SLC8A1: variants seen among roughly 807,000 people sequenced by gnomAD.
SLC8A1 encodes solute carrier family 8 member A1, also known as sodium/calcium exchanger 1.
SLC8A1 carries 18 observed loss-of-function variants against 68.3 expected under a neutral mutation model. The observed-to-expected ratio is 0.26, with a 90% CI of 0.18 to 0.39. The LOEUF (loss-of-function observed/expected upper bound fraction) is 0.39, where lower values mean the gene tolerates loss of function less well. Ranked by LOEUF, SLC8A1 falls within the 10% of genes least tolerant of loss-of-function variation. SLC8A1 has a pLI of 1.00. For synonymous variants in SLC8A1, 475 were observed against 415.5 expected (o/e 1.14, Z -1.74); for missense variants, 985 against 1,156.7 (o/e 0.85, Z 2.15).
intron 2 of SLC8A1, among the ~76,000 whole-genome samples, chr2:40,369,060 T>C (rs1180251960): frequency 6.6e-6 from 1 of 152,004 alleles, no homozygotes; most frequent in Non-Finnish European, 1.5e-5. Flanking sequence ...AAGACTTAAA[T>C]GTAAAACCCC....
At chr2:40,371,514 G>A (rs1268991362) in intron 2 of SLC8A1, among the ~76,000 whole-genome samples, 4 of 152,072 alleles carry the variant, frequency 2.6e-5, no homozygotes, top group Admixed American at 2.6e-4. Flanking sequence ...TTAAAACACA[G>A]AAGATGTTAG....
At chr2:40,115,002 G>A (rs1266789687) in exon 8 of SLC8A1, 2 of 243,802 alleles carry the variant, frequency 8.2e-6, no homozygotes, top group Non-Finnish European at 1.5e-5. Flanking sequence ...TTATCAACCT[G>A]GAGAGAGTGC....
At chr2:40,257,302 C>T (rs1194105768) in intron 2 of SLC8A1, among the ~76,000 whole-genome samples, 3 of 152,114 alleles carry the variant, frequency 2.0e-5, no homozygotes, top group Non-Finnish European at 4.4e-5. Context: ...TCCCATGTCC[C>T]ATTCACTTGC....
At position 40,178,502 on chromosome 2, in the gene SLC8A1, G is replaced by C. The variant is rs766960718; in HGVS notation, c.1809-647C>G. The C allele has an allele frequency of 6.2e-7, 1 of 1,602,424 alleles. No individual in the cohort carries two copies. Among genetic ancestry groups the C allele is most frequent in the South Asian group, 1.1e-5 (1 of 90,680 alleles). Reference sequence around the variant, plus strand: ...TGACTGATATTGTTTTGCTGAAACAGAGAATAGAAATTGACGAACAAGGGG... The same window carrying C: ...TGACTGATATTGTTTTGCTGAAACACAGAATAGAAATTGACGAACAAGGGG... On this transcript the variant is annotated intron_variant, in intron 2 of 7. Transcript: ENST00000406785.
chr2:40,323,034 GAT>G (rs1288851056), intron 2 of SLC8A1, among the ~76,000 whole-genome samples: 3 of 152,022 alleles, frequency 2.0e-5, no homozygotes, highest in Non-Finnish European at 4.4e-5. Context: ...AAAATTGAAG[GAT>G]TATATAACAC....
At chr2:40,164,864 T>C (rs763536409) in exon 5 of SLC8A1, 2 of 1,613,710 alleles carry the variant, frequency 1.2e-6, no homozygotes, top group Non-Finnish European at 1.7e-6. Context: ...CTTGAATTCA[T>C]AGGATTCTTC....
At chr2:40,493,650 ATT>A (rs70957182) in intron 1 of SLC8A1, among the ~76,000 whole-genome samples, 108,133 of 134,398 alleles carry the variant, frequency 0.8, 44,926 homozygotes, top group Non-Finnish European at 0.92. Flanking sequence ...TTTCCTCAGT[ATT>A]TTTTTTTTTT....
At chr2:40,114,738 C>T (rs1317000609) in exon 8 of SLC8A1, 1 of 152,192 alleles carries the variant, frequency 6.6e-6, no homozygotes, top group Non-Finnish European at 1.5e-5. Flanking sequence ...TTCTTCCATG[C>T]CCAGATTTTT....
At chr2:40,126,426 T>G (rs1238216694) in intron 7 of SLC8A1, among the ~76,000 whole-genome samples, 1 of 152,152 alleles carries the variant, frequency 6.6e-6, no homozygotes, top group Admixed American at 6.5e-5. Context: ...CCAGAATATT[T>G]AGAATGGAGG....
intron 2 of SLC8A1, among the ~76,000 whole-genome samples, chr2:40,420,212 G>T (rs897127177): frequency 5.9e-5 from 9 of 152,042 alleles, no homozygotes; most frequent in Non-Finnish European, 7.4e-5. Flanking sequence ...CTTATTCTAG[G>T]AAAGTCTCCT....
chr2:40,396,282 A>C (rs1241057384), intron 2 of SLC8A1, among the ~76,000 whole-genome samples: 1 of 152,134 alleles, frequency 6.6e-6, no homozygotes, highest in Non-Finnish European at 1.5e-5. Context: ...GTGTTTGTTA[A>C]TTAGGCAGTA....
intron 7 of SLC8A1, among the ~76,000 whole-genome samples, chr2:40,123,455 G>T (rs1301346491): frequency 6.6e-6 from 1 of 152,108 alleles, no homozygotes; most frequent in Non-Finnish European, 1.5e-5. Flanking sequence ...ATTACACTCT[G>T]CCACTCACAT....
At chr2:40,289,028 A>T (rs534263191) in intron 2 of SLC8A1, among the ~76,000 whole-genome samples, 143 of 151,906 alleles carry the variant, frequency 9.4e-4, no homozygotes, top group African/African-American at 3.3e-3. Flanking sequence ...TGACTGGACA[A>T]TATTATCCTA....
chr2:40,480,757 C>G (rs1704576533), intron 1 of SLC8A1, among the ~76,000 whole-genome samples: 1 of 152,126 alleles, frequency 6.6e-6, no homozygotes, highest in African/African-American at 2.4e-5. Context: ...TCCTCCCAGT[C>G]CACATATTGT....
chr2:40,327,313 T>C lies in SLC8A1; in HGVS notation c.1808+101160A>G, dbSNP rs533621926. 2.6e-5 allele frequency among the ~76,000 whole-genome samples: 4 copies of C among 152,338 alleles called. No individual in the cohort carries two copies. In the South Asian group the frequency reaches 8.3e-4, roughly 32 times the overall value. On this transcript the variant is annotated intron_variant, in intron 2 of 7. Transcript: ENST00000406785. ...ACTGTTACAATACTGGACCTTTGAA[T>C]TGTTTTGAAAGAACTCTGTGAAGTA... is the stretch of plus-strand genomic sequence containing the variant.
At chr2:40,259,926 T>A (rs548849058) in intron 2 of SLC8A1, among the ~76,000 whole-genome samples, 1 of 152,286 alleles carries the variant, frequency 6.6e-6, no homozygotes, top group South Asian at 2.1e-4. Context: ...TCTCACTAGA[T>A]GGCACTTAGG....
At chr2:40,165,104 G>A (rs1330507524) in intron 4 of SLC8A1, 120 bp from the exon 8 acceptor site, 4 of 1,253,492 alleles carry the variant, frequency 3.2e-6, no homozygotes, top group South Asian at 1.3e-5. Flanking sequence ...AAGCCCCCTG[G>A]GTGAGATCAC....
chr2:40,415,600 A>G (rs762842539), intron 2 of SLC8A1, among the ~76,000 whole-genome samples: 1 of 152,066 alleles, frequency 6.6e-6, no homozygotes, highest in Non-Finnish European at 1.5e-5. Flanking sequence ...AAAGGATAGG[A>G]TGTGGGTAGG....
At chr2:40,269,892 G>A (rs1158171385) in intron 2 of SLC8A1, among the ~76,000 whole-genome samples, 1 of 152,086 alleles carries the variant, frequency 6.6e-6, no homozygotes, top group Non-Finnish European at 1.5e-5. Context: ...CAGAGATATA[G>A]AAAGGTGGAG....
Sources: gnomAD v4.1 joint callset for allele counts (sites outside exome capture counted in the v4.1 genomes callset) on GRCh38, gnomAD v4.1.1 for gene constraint, MANE v1.5 for transcripts, NCBI Gene and HGNC (gene_info 2026-07-23, HGNC 2026-07-21) for gene names.